Variants in PLSCR5 observed in about 807,000 individuals in gnomAD.
PLSCR5 encodes the protein phospholipid scramblase family member 5.
Under a neutral mutation model 33.6 loss-of-function variants are expected in PLSCR5, and 44 were observed. The observed-to-expected ratio is 1.31, with a 90% CI of 1.03 to 1.69. The LOEUF is 1.69. Ranked by LOEUF, PLSCR5 falls within the 40% of genes most tolerant of loss-of-function variation. PLSCR5 has a pLI of 0.00. For missense variants in PLSCR5, 375 were observed against 318.7 expected, an observed-to-expected ratio of 1.18 and a Z score of -1.34; for synonymous variants, 148 against 112.3, an observed-to-expected ratio of 1.32 and a Z score of -2.01.
At chr3:146,582,982 T>A (rs2044641943), downstream of PLSCR5, among the ~76,000 whole-genome samples, 1 of 151,868 alleles carries the variant, frequency 6.6e-6, no homozygotes, top group African/African-American at 2.4e-5. Context: ...ATGAAGACCA[T>A]TTTCCACACC....
intron 2 of PLSCR5, among the ~76,000 whole-genome samples, chr3:146,597,198 T>C (rs896429230): frequency 6.6e-6 from 1 of 152,110 alleles, no homozygotes; most frequent in Non-Finnish European, 1.5e-5. Context: ...AAGTAGTACC[T>C]CTCTAATATC....
intron 3 of PLSCR5, among the ~76,000 whole-genome samples, chr3:146,594,548 T>A (rs1159883369): frequency 6.6e-6 from 1 of 152,074 alleles, no homozygotes; most frequent in Non-Finnish European, 1.5e-5. Flanking sequence ...AGGTGTACGC[T>A]ATCCTGCTAT....
chr3:146,591,951 A>G (rs2044719878), intron 4 of PLSCR5, 70 bp from the exon 5 acceptor site: 2 of 1,291,662 alleles, frequency 1.5e-6, no homozygotes, highest in Non-Finnish European at 2.1e-6. Flanking sequence ...TATAATGTCA[A>G]TTTACCTGTA....
chr3:146,603,581 A>G (rs2044838327), intron 1 of PLSCR5, among the ~76,000 whole-genome samples: 1 of 152,104 alleles, frequency 6.6e-6, no homozygotes, highest in South Asian at 2.1e-4. Context: ...ACATAATATT[A>G]CTTTCCAGTC....
intron 1 of PLSCR5, among the ~76,000 whole-genome samples, chr3:146,604,682 G>A (rs938705641): frequency 6.6e-6 from 1 of 151,874 alleles, no homozygotes; most frequent in Non-Finnish European, 1.5e-5. Flanking sequence ...TTGATGGGAT[G>A]GATATCCCAT....
intron 2 of PLSCR5, among the ~76,000 whole-genome samples, chr3:146,595,984 A>G (rs981174579): frequency 2.6e-5 from 4 of 152,320 alleles, no homozygotes; most frequent in Middle Eastern, 6.8e-3. Context: ...ATGCCAACAA[A>G]ATACCAATTT....
At chr3:146,592,411 G>A (rs1212438785) in intron 4 of PLSCR5, among the ~76,000 whole-genome samples, 2 of 152,042 alleles carry the variant, frequency 1.3e-5, no homozygotes. Context: ...TTGATTGCTG[G>A]TTTGTGGCTT....
chr3:146,587,152 T>A (rs185366077), intron 6 of PLSCR5, among the ~76,000 whole-genome samples: 1 of 152,310 alleles, frequency 6.6e-6, no homozygotes, highest in African/African-American at 2.4e-5. Flanking sequence ...CAGGTCCTGA[T>A]GCATCTGGGG....
intron 7 of PLSCR5, chr3:146,576,746 A>T (rs2044600008): frequency 6.7e-6 from 1 of 149,312 alleles, no homozygotes; most frequent in Non-Finnish European, 1.5e-5. Flanking sequence ...AGATGATATC[A>T]TTATTATTAT....
chr3:146,577,535 G>A (rs1006524092), intron 7 of PLSCR5, among the ~76,000 whole-genome samples: 7 of 152,026 alleles, frequency 4.6e-5, no homozygotes, highest in Admixed American at 4.6e-4. Context: ...ATTTTATGGT[G>A]CTTTTATTTA....
chr3:146,596,015 C>T (rs10049391), intron 2 of PLSCR5, among the ~76,000 whole-genome samples: 5,757 of 152,090 alleles, frequency 0.038, 119 homozygotes, highest in Non-Finnish European at 0.049. Flanking sequence ...AATGTTATGG[C>T]ACTAAATACA....
At chr3:146,581,340 G>C (rs1443775819), downstream of PLSCR5, among the ~76,000 whole-genome samples, 1 of 152,156 alleles carries the variant, frequency 6.6e-6, no homozygotes. Context: ...GGTTATCTAT[G>C]GTAACCTTAA....
At chr3:146,586,725 A>T (rs1053763006) in intron 6 of PLSCR5, among the ~76,000 whole-genome samples, 4 of 141,472 alleles carry the variant, frequency 2.8e-5, no homozygotes, top group Non-Finnish European at 6.1e-5. Context: ...GAACCAGAAG[A>T]GACCAAAAAT....
intron 3 of PLSCR5, among the ~76,000 whole-genome samples, 157 bp downstream of exon 3, chr3:146,594,884 C>T (rs952956954): frequency 6.6e-6 from 1 of 152,052 alleles, no homozygotes; most frequent in Non-Finnish European, 1.5e-5. Context: ...TTACTTTCAG[C>T]TTTTAATTGA....
chr3:146,579,353 AACTT>A (rs2107844989), intron 7 of PLSCR5, among the ~76,000 whole-genome samples: 1 of 152,260 alleles, frequency 6.6e-6, no homozygotes, highest in South Asian at 2.1e-4. Context: ...AATAATATAA[AACTT>A]ACCAAACAGG....
intron 1 of PLSCR5, among the ~76,000 whole-genome samples, chr3:146,601,133 G>A (rs527937607): frequency 6.6e-6 from 1 of 151,464 alleles, no homozygotes; most frequent in East Asian, 1.9e-4. Flanking sequence ...GAAGACATCT[G>A]TTTTCTATAT....
In PLSCR5 at chr3:146,586,036, A is replaced by C; in HGVS notation, c.*38T>G. Reference sequence around the variant, plus strand: ...AAACTTGCTTTTTACTTACTGAAATATGTTCTGCATATTTTATTGTTTTCA... The same window carrying C: ...AAACTTGCTTTTTACTTACTGAAATCTGTTCTGCATATTTTATTGTTTTCA... On this transcript the variant is annotated 3_prime_UTR_variant, in exon 7 of 8. Coordinates refer to ENST00000443512, the MANE Select transcript of PLSCR5 (RefSeq NM_001085420.2). 6.8e-7 allele frequency: 1 copy of C among 1,465,300 alleles called. No individual in the cohort carries two copies. The highest frequency in any genetic ancestry group is 9.1e-7 in the Non-Finnish European group (1 of 1,103,426). 90.8% of individuals were successfully genotyped at this position (1,465,300 alleles called of 1,614,324 possible). A position where few individuals can be genotyped will look rare whatever the true frequency, so the allele number is the denominator to read the frequency against.
rs941720808 is a variant in PLSCR5, at chr3:146,600,493, T to A, written c.14-30A>T. ...AAGAGAATGGAAATCCCAATCCATA[T>A]TTAAATTTAGGCCATTTTATTTAGT... On this transcript the variant is annotated intron_variant, in intron 1 of 7. Coordinates refer to ENST00000443512, the MANE Select transcript of PLSCR5 (RefSeq NM_001085420.2). 1.0e-5 allele frequency: 16 copies of A among 1,530,100 alleles called. No homozygotes were observed. In the African/African-American group the frequency reaches 2.2e-4, roughly 21 times the overall value. 94.8% of individuals were successfully genotyped at this position (1,530,100 alleles called of 1,614,324 possible).
chr3:146,604,162 A>G (rs141159241), intron 1 of PLSCR5, among the ~76,000 whole-genome samples: 2 of 152,218 alleles, frequency 1.3e-5, no homozygotes, highest in South Asian at 2.1e-4. Context: ...CAATTATACT[A>G]ATTATAATTC....
Sources: allele counts gnomAD v4.1 joint callset (sites outside exome capture counted in the v4.1 genomes callset), GRCh38; gene constraint gnomAD v4.1.1; transcripts MANE v1.5; gene names NCBI Gene and HGNC (gene_info 2026-07-23, HGNC 2026-07-21).